The following KIF26B variants were observed in gnomAD, a reference collection of about 807,000 sequenced individuals.
KIF26B encodes kinesin-like protein KIF26B.
In KIF26B, 63 loss-of-function variants were observed where a neutral mutation model predicts 151.2. The ratio of observed to expected loss-of-function variants is 0.42; its 90% CI spans 0.34 to 0.51. The LOEUF is 0.51. Among genes scored for constraint, KIF26B ranks in the 20% least tolerant of loss-of-function variants. The pLI is 0.07. For missense variants in KIF26B, 2,813 were observed against 2,913.6 expected (o/e 0.97, Z 0.79); for synonymous variants, 1,357 against 1,262.1 (o/e 1.08, Z -1.59).
At chr1:245,461,863 C>T (rs1264882001) in intron 4 of KIF26B, among the ~76,000 whole-genome samples, 1 of 152,176 alleles carries the variant, frequency 6.6e-6, no homozygotes, top group African/African-American at 2.4e-5. Context: ...CCAGTAATCC[C>T]AGCCTTTAGA....
In KIF26B at chr1:245,508,724, A is replaced by G. The variant is rs540239225; in HGVS notation, c.1167-32043A>G. Among the ~76,000 whole-genome samples, 1,454 of 152,234 alleles carry G rather than the reference A, an allele frequency of 9.6e-3. 14 individuals are homozygous for G. Among genetic ancestry groups the G allele is most frequent in the South Asian group, 0.038 (183 of 4,820 alleles). On this transcript the variant is annotated intron_variant, in intron 4 of 14. Transcript: ENST00000407071. ...TACTTTGAGCAGCTTATCTCTGTTTAGGCGATTTCTTTGTCACCATTAATG... is the reference window on the plus strand; with the variant it reads ...TACTTTGAGCAGCTTATCTCTGTTTGGGCGATTTCTTTGTCACCATTAATG...
At chr1:245,518,729 G>A (rs1490246963) in intron 4 of KIF26B, among the ~76,000 whole-genome samples, 3 of 152,182 alleles carry the variant, frequency 2.0e-5, no homozygotes. Flanking sequence ...CAACATCTTG[G>A]ATGCTTTTAG....
intron 2 of KIF26B, among the ~76,000 whole-genome samples, chr1:245,275,031 A>G (rs976555827): frequency 1.3e-5 from 2 of 152,178 alleles, no homozygotes; most frequent in Non-Finnish European, 2.9e-5. Flanking sequence ...CTGGCGTGAG[A>G]TGGTATCTCA....
At chr1:245,656,267 G>A (rs142893825) in intron 10 of KIF26B, among the ~76,000 whole-genome samples, 62 of 152,248 alleles carry the variant, frequency 4.1e-4, no homozygotes, top group African/African-American at 1.3e-3. Flanking sequence ...GCACAGAGCG[G>A]TGATTCTCAA....
At chr1:245,674,966 TGCATGTTTG>T (rs2044340666) in intron 10 of KIF26B, among the ~76,000 whole-genome samples, 2 of 152,168 alleles carry the variant, frequency 1.3e-5, no homozygotes, top group South Asian at 4.1e-4. Flanking sequence ...GTGTGACAAC[TGCATGTTTG>T]GAGGGTTCCC....
intron 10 of KIF26B, among the ~76,000 whole-genome samples, chr1:245,675,355 C>T (rs1215251892): frequency 1.3e-5 from 2 of 152,180 alleles, no homozygotes; most frequent in African/African-American, 4.8e-5. Context: ...AAAGCCCCTG[C>T]CCTAAATCAC....
intron 9 of KIF26B, among the ~76,000 whole-genome samples, chr1:245,635,075 G>A (rs1162067534): frequency 1.4e-5 from 2 of 146,608 alleles, no homozygotes; most frequent in Non-Finnish European, 3.0e-5. Flanking sequence ...GTTCATGAGG[G>A]ATATTGTTCT....
In KIF26B at chr1:245,169,346, T is replaced by TGTGTGG. The variant is rs1196005957; in HGVS notation, c.465+12668_465+12669insGGTGTG. Among the ~76,000 whole-genome samples, 20 of 151,798 alleles carry TGTGTGG rather than the reference T, an allele frequency of 1.3e-4. No homozygotes were observed. In the East Asian group the frequency reaches 3.3e-3, roughly 25 times the overall value. On this transcript the variant is annotated intron_variant, in intron 2 of 14. Coordinates refer to ENST00000407071, the MANE Select transcript of KIF26B (RefSeq NM_018012.4). Reference sequence around the variant, plus strand: ...GGGCCATGGTGTGTGTGTGTGTGTGTGTGTGTGTGTGTGTGTGCGCGCAAG... The same window carrying TGTGTGG: ...GGGCCATGGTGTGTGTGTGTGTGTGTGTGTGGGTGTGTGTGTGTGTGTGCGCGCAAG...
chr1:245,391,482 T>A (rs7525759), intron 3 of KIF26B, among the ~76,000 whole-genome samples: 7,287 of 152,094 alleles, frequency 0.048, 197 homozygotes, highest in African/African-American at 0.062. Flanking sequence ...ACCAAAATAA[T>A]ATAAGCAACT....
chr1:245,325,558 C>G (rs998931031), intron 2 of KIF26B, among the ~76,000 whole-genome samples: 1 of 151,908 alleles, frequency 6.6e-6, no homozygotes, highest in Non-Finnish European at 1.5e-5. Context: ...ACTACAAGTA[C>G]AAAATTAGCG....
chr1:245,172,303 T>C (rs377152016), intron 2 of KIF26B, among the ~76,000 whole-genome samples: 11 of 152,230 alleles, frequency 7.2e-5, no homozygotes, highest in African/African-American at 2.6e-4. Flanking sequence ...TGCTGGAACA[T>C]TGCATCTTTC....
chr1:245,582,284 C>T (rs1771534), intron 5 of KIF26B, among the ~76,000 whole-genome samples: 79,185 of 152,094 alleles, frequency 0.52, 22,371 homozygotes, highest in African/African-American at 0.76. Context: ...CAGTAAAGAT[C>T]TGGATAATAG....
In KIF26B at chr1:245,324,804, G is replaced by A. The variant is rs116446725; in HGVS notation, c.466-42030G>A. Among the ~76,000 whole-genome samples the A allele has an allele frequency of 6.6e-3, 1,004 of 152,140 alleles. 12 individuals carry two copies. Among genetic ancestry groups the A allele is most frequent in the African/African-American group, 0.023 (962 of 41,504 alleles). The stretch of plus-strand genomic sequence containing the variant: ...CAACCCAAGATGCCATGTTCCTAAA[G>A]AAAATGGGGGCCGGGCACGGTGGCT... On this transcript the variant is annotated intron_variant, in intron 2 of 14. Coordinates refer to ENST00000407071, the MANE Select transcript of KIF26B (RefSeq NM_018012.4).
Position 245,698,052 on chromosome 1 carries a change from C to T in KIF26B, c.5825-54C>T. 6.5e-7 allele frequency: 1 copy of T among 1,532,960 alleles called. No homozygotes were observed. The highest frequency in any genetic ancestry group is 8.8e-7 in the Non-Finnish European group (1 of 1,131,248). 95.0% of individuals were successfully genotyped at this position (1,532,960 alleles called of 1,614,324 possible). The stretch of plus-strand genomic sequence containing the variant: ...GCAAGACCCTGTCTCAAAAAAACAA[C>T]AAAAAAATTGAAATTCAGAAAGACT... On this transcript the variant is annotated intron_variant, in intron 12 of 14. Transcript: ENST00000407071. The surrounding 1 kb of genome is among the most constrained non-coding windows in gnomAD (Gnocchi z 4.0).
At position 245,205,689 on chromosome 1, in the gene KIF26B, G is replaced by A. The variant is rs538313163; in HGVS notation, c.465+49006G>A. ...AGAACAGAACAGTTTCCTGAGGAACGTTTTCTTTTTCTTTCTTTTCTTTTC... is the reference window on the plus strand; with the variant it reads ...AGAACAGAACAGTTTCCTGAGGAACATTTTCTTTTTCTTTCTTTTCTTTTC... On this transcript the variant is annotated intron_variant, in intron 2 of 14. Transcript: ENST00000407071. Among the ~76,000 whole-genome samples, 293 of 147,510 alleles carry A rather than the reference G, an allele frequency of 2.0e-3. 3 individuals are homozygous for A. The highest frequency in any genetic ancestry group is 6.7e-3 in the African/African-American group (268 of 40,096).
Position 245,606,045 on chromosome 1 carries a change from G to C in KIF26B, c.1558-1606G>C, listed in dbSNP as rs1352582651. On this transcript the variant is annotated intron_variant, in intron 6 of 14. Coordinates refer to ENST00000407071, the MANE Select transcript of KIF26B (RefSeq NM_018012.4). The surrounding 1 kb of genome is among the most constrained non-coding windows in gnomAD (Gnocchi z 4.6). Reference sequence around the variant, plus strand: ...AGCCTTCTGCCTGCTCTGCAGACACGCCTCTGGCAAATTCCATCAAGACGC... The same window carrying C: ...AGCCTTCTGCCTGCTCTGCAGACACCCCTCTGGCAAATTCCATCAAGACGC... 2.0e-5 allele frequency among the ~76,000 whole-genome samples: 3 copies of C among 152,132 alleles called. No individual in the cohort carries two copies. Among genetic ancestry groups the C allele is most frequent in the African/African-American group, 7.2e-5 (3 of 41,436 alleles).
rs1429528214 is a variant in KIF26B at position 245,708,173 on chromosome 1, G to A, written c.*5567G>A. 6.6e-6 allele frequency: 1 copy of A among 152,244 alleles called. No homozygotes were observed. Among genetic ancestry groups the A allele is most frequent in the African/African-American group, 2.4e-5 (1 of 41,450 alleles). The allele number at this position is 152,244 out of a possible 1,614,324, so 9.4% of individuals were successfully genotyped here. A position where few individuals can be genotyped will look rare whatever the true frequency, so the allele number is the denominator to read the frequency against. On this transcript the variant is annotated 3_prime_UTR_variant, in exon 15 of 15. Transcript: ENST00000407071. ...TTGGGCGAGCCTCTTCGCTTTGCTG[G>A]GCCTCAGGTTCCCGAGTGGAAGACT...
In KIF26B at chr1:245,707,638, A is replaced by G. The variant is rs1035026760; in HGVS notation, c.*5032A>G. ...TCAAGCAAAGTCTGTTAGTGGAAAC[A>G]TGGGCTGGGGGATGGGGAGAGGACA... On this transcript the variant is annotated 3_prime_UTR_variant, in exon 15 of 15. Transcript: ENST00000407071. 1 of 152,212 alleles carries G rather than the reference A, an allele frequency of 6.6e-6. No homozygotes were observed. Among genetic ancestry groups the G allele is most frequent in the Non-Finnish European group, 1.5e-5 (1 of 68,032 alleles). The allele number at this position is 152,212 out of a possible 1,614,324, so 9.4% of individuals were successfully genotyped here.
rs147722635 is a variant in KIF26B at position 245,482,596 on chromosome 1, C to T, written c.1167-58171C>T. On this transcript the variant is annotated intron_variant, in intron 4 of 14. Transcript: ENST00000407071. ...TGTGCATGTGATATGTTCCATCTGC[C>T]TGAAATGTTCCTTTGAAATAAGAAG... is the stretch of plus-strand genomic sequence containing the variant. Among the ~76,000 whole-genome samples, 229 of 151,802 alleles carry T rather than the reference C, an allele frequency of 1.5e-3. 2 individuals are homozygous for T. The highest frequency in any genetic ancestry group is 5.2e-3 in the African/African-American group (215 of 41,506).
Sources: gnomAD v4.1 joint callset for allele counts (sites outside exome capture counted in the v4.1 genomes callset) on GRCh38, gnomAD v4.1.1 for gene constraint, Gnocchi (gnomAD v3.1) non-coding constraint, MANE v1.5 for transcripts, NCBI Gene and HGNC (gene_info 2026-07-23, HGNC 2026-07-21) for gene names.